The following KCNH8 variants were observed in gnomAD, a reference collection of about 807,000 sequenced individuals.
The protein encoded by KCNH8 is potassium voltage-gated channel subfamily H member 8.
KCNH8 carries 70 observed loss-of-function variants against 103.6 expected under a neutral mutation model. The observed-to-expected ratio is 0.68, with a 90% CI of 0.56 to 0.82. The LOEUF is 0.82. Among genes scored for constraint, KCNH8 ranks in the 40% least tolerant of loss-of-function variants. The pLI, the probability that KCNH8 is intolerant of heterozygous loss-of-function variation, is 0.00. For missense variants in KCNH8, 1,217 were observed against 1,329.9 expected (o/e 0.92, Z 1.32); for synonymous variants, 498 against 489.4 (o/e 1.02, Z -0.23).
At chr3:19,436,326 C>T (rs1351215593) in intron 7 of KCNH8, among the ~76,000 whole-genome samples, 9 of 152,088 alleles carry the variant, frequency 5.9e-5, no homozygotes, top group African/African-American at 2.2e-4. Flanking sequence ...CTAGGACATC[C>T]TTTCCTTTAG....
intron 1 of KCNH8, among the ~76,000 whole-genome samples, chr3:19,186,881 G>T (rs1398869898): frequency 6.6e-6 from 1 of 151,976 alleles, no homozygotes; most frequent in East Asian, 1.9e-4. Flanking sequence ...CTTAAGCAAG[G>T]ATTGTCAAAC....
chr3:19,200,348 T>A (rs762686476), intron 1 of KCNH8, among the ~76,000 whole-genome samples: 89 of 152,030 alleles, frequency 5.9e-4, no homozygotes, highest in Non-Finnish European at 1.1e-3. Context: ...TTAAAGAGAA[T>A]TAAGAGATAA....
rs181579738 is a variant in KCNH8, at chr3:19,522,805, T to G, written c.2619+4731T>G. ...CGATATAATAATTCTTCTTAGGCTC[T>G]GATTGGATCTAAAATTTTTTTTAAA... On this transcript the variant is annotated intron_variant, in intron 15 of 15. Coordinates refer to ENST00000328405, the MANE Select transcript of KCNH8 (RefSeq NM_144633.3). Among the ~76,000 whole-genome samples the G allele has an allele frequency of 1.1e-4, 17 of 152,016 alleles. No individual in the cohort carries two copies. The East Asian group carries it at 3.3e-3, about 29-fold the overall frequency.
chr3:19,192,710 A>G (rs7634160), intron 1 of KCNH8, among the ~76,000 whole-genome samples: 7,128 of 151,700 alleles, frequency 0.047, 607 homozygotes, highest in African/African-American at 0.16. Flanking sequence ...CTCTAGTTAA[A>G]CAAATGGTAT....
At chr3:19,209,264 C>A (rs182379770) in intron 1 of KCNH8, among the ~76,000 whole-genome samples, 92 of 152,066 alleles carry the variant, frequency 6.0e-4, no homozygotes, top group African/African-American at 2.0e-3. Context: ...ACAATGATTG[C>A]CCTCACATGC....
At chr3:19,321,120 T>G (rs1285823901) in intron 3 of KCNH8, among the ~76,000 whole-genome samples, 1 of 152,080 alleles carries the variant, frequency 6.6e-6, no homozygotes, top group Non-Finnish European at 1.5e-5. Context: ...TTTATTTATC[T>G]TTTTAAAGAA....
chr3:19,514,619 C>CT lies in KCNH8; in HGVS notation c.2436-692dup, dbSNP rs536100818. On this transcript the variant is annotated intron_variant, in intron 13 of 15. Transcript: ENST00000328405. Reference sequence around the variant, plus strand: ...TTATGTTTAAATTTTCTACAATAGACTTTTTTTTTTTAAATAATGAGTGGG... The same window carrying CT: ...TTATGTTTAAATTTTCTACAATAGACTTTTTTTTTTTTAAATAATGAGTGGG... 7.0e-3 allele frequency among the ~76,000 whole-genome samples: 1,012 copies of CT among 144,588 alleles called. 5 individuals carry two copies. The highest frequency in any genetic ancestry group is 0.018 in the African/African-American group (714 of 39,736). 94.9% of individuals were successfully genotyped at this position (144,588 alleles called of 152,430 possible).
intron 1 of KCNH8, among the ~76,000 whole-genome samples, chr3:19,215,304 A>G (rs2063807728): frequency 1.3e-5 from 2 of 152,212 alleles, no homozygotes; most frequent in Admixed American, 6.5e-5. Flanking sequence ...GGGCCATAAC[A>G]GTTTATTTAT....
chr3:19,501,360 G>A (rs1559360108), intron 11 of KCNH8, among the ~76,000 whole-genome samples: 2 of 152,150 alleles, frequency 1.3e-5, no homozygotes, highest in Non-Finnish European at 2.9e-5. Context: ...AGGAGGAACT[G>A]GTACCATTCC....
chr3:19,255,240 C>T (rs567930289), intron 2 of KCNH8, among the ~76,000 whole-genome samples: 12 of 152,138 alleles, frequency 7.9e-5, no homozygotes, highest in Non-Finnish European at 1.8e-4. Context: ...CATCTAACTT[C>T]CAGAGCTGTG....
At chr3:19,258,371 T>C (rs1346388081) in intron 2 of KCNH8, among the ~76,000 whole-genome samples, 1 of 152,018 alleles carries the variant, frequency 6.6e-6, no homozygotes, top group African/African-American at 2.4e-5. Flanking sequence ...CCAGGGAAGT[T>C]TGCAAATCTC....
At chr3:19,427,505 G>A (rs565644242) in intron 7 of KCNH8, among the ~76,000 whole-genome samples, 3 of 152,020 alleles carry the variant, frequency 2.0e-5, no homozygotes. Flanking sequence ...TAGAAAAATG[G>A]GTTCTTATAA....
intron 15 of KCNH8, among the ~76,000 whole-genome samples, chr3:19,531,376 G>C (rs1301008202): frequency 7.9e-5 from 12 of 152,296 alleles, no homozygotes; most frequent in African/African-American, 2.9e-4. Flanking sequence ...AGCTTGGCAG[G>C]TAATGAAATT....
rs976215415 is a variant in KCNH8, at chr3:19,231,514, G to A, written c.77-22140G>A. On this transcript the variant is annotated intron_variant, in intron 1 of 15. Transcript: ENST00000328405. ...ATAATCAGAACAGACAATTTAAAAA[G>A]TAATAGTAAATTTATATATTGAAAA... Among the ~76,000 whole-genome samples the A allele has an allele frequency of 4.6e-5, 7 of 152,142 alleles. No individual in the cohort carries two copies. In the South Asian group the frequency reaches 1.2e-3, roughly 27 times the overall value.
intron 4 of KCNH8, chr3:19,346,810 C>G (rs775341877): frequency 7.5e-6 from 3 of 398,594 alleles, no homozygotes; most frequent in Non-Finnish European, 1.5e-5. Flanking sequence ...CATTACCTAT[C>G]TTATATTTCC....
At chr3:19,376,776 G>A (rs1184470176) in intron 5 of KCNH8, among the ~76,000 whole-genome samples, 4 of 152,232 alleles carry the variant, frequency 2.6e-5, no homozygotes, top group East Asian at 1.9e-4. Flanking sequence ...GCAATGGGAA[G>A]TGTGAAGAGA....
At chr3:19,165,765 C>G (rs1325658779) in intron 1 of KCNH8, among the ~76,000 whole-genome samples, 5 of 152,156 alleles carry the variant, frequency 3.3e-5, no homozygotes, top group African/African-American at 1.2e-4. Context: ...GGGGAGTAAT[C>G]TAATCCAAGT....
chr3:19,503,645 G>A lies in KCNH8; in HGVS notation c.2041-6718G>A, dbSNP rs560499148. On this transcript the variant is annotated intron_variant, in intron 11 of 15. Coordinates refer to ENST00000328405, the MANE Select transcript of KCNH8 (RefSeq NM_144633.3). ...CCTTTGTAGGGACATGGATTAAATTGGAAATCATCATTCTCAGTAAACTAT... is the reference window on the plus strand; with the variant it reads ...CCTTTGTAGGGACATGGATTAAATTAGAAATCATCATTCTCAGTAAACTAT... Among the ~76,000 whole-genome samples the A allele has an allele frequency of 2.0e-5, 3 of 152,094 alleles. No homozygotes were observed. In the East Asian group the frequency reaches 5.8e-4, roughly 29 times the overall value.
intron 7 of KCNH8, among the ~76,000 whole-genome samples, chr3:19,424,797 C>T (rs905647067): frequency 2.0e-5 from 3 of 151,808 alleles, no homozygotes; most frequent in African/African-American, 7.3e-5. Flanking sequence ...ATGAATAGAC[C>T]GTTCTCAAAA....
Sources: gnomAD v4.1 joint callset for allele counts (sites outside exome capture counted in the v4.1 genomes callset) on GRCh38, gnomAD v4.1.1 for gene constraint, MANE v1.5 for transcripts, NCBI Gene and HGNC (gene_info 2026-07-23, HGNC 2026-07-21) for gene names.